Variants in RAB38 observed in about 807,000 individuals in gnomAD.
RAB38 encodes the protein RAB38, member RAS oncogene family, also known as ras-related protein Rab-38.
RAB38 carries 15 observed loss-of-function variants against 18.4 expected under a neutral mutation model. That is an observed-to-expected ratio of 0.82 (90% CI 0.55 to 1.26). RAB38 has a LOEUF of 1.26. Ranked by LOEUF, RAB38 falls within the 50% of genes most tolerant of loss-of-function variation. The pLI, the probability that RAB38 is intolerant of heterozygous loss-of-function variation, is 0.00. For missense variants in RAB38, 294 were observed against 267.4 expected, an observed-to-expected ratio of 1.10 and a Z score of -0.69; for synonymous variants, 101 against 104.4, an observed-to-expected ratio of 0.97 and a Z score of 0.20.
At chr11:88,111,023 A>G (rs1942467122), downstream of RAB38, among the ~76,000 whole-genome samples, 1 of 152,244 alleles carries the variant, frequency 6.6e-6, no homozygotes, top group South Asian at 2.1e-4. Context: ...GAATACTAAC[A>G]GGAAGGTTGG....
chr11:88,035,686 G>A, the RAB38 span, among the ~76,000 whole-genome samples: 2 of 152,144 alleles, frequency 1.3e-5, no homozygotes, highest in African/African-American at 2.4e-5. Context: ...TTTTCTTTAC[G>A]TAAGGATCTG....
chr11:88,067,905 T>G, the RAB38 span, among the ~76,000 whole-genome samples: 1 of 149,798 alleles, frequency 6.7e-6, no homozygotes, highest in Non-Finnish European at 1.5e-5. Context: ...TCCCAGAACT[T>G]AAGGTAAAAT....
chr11:88,161,162 T>C (rs544694876), intron 1 of RAB38, among the ~76,000 whole-genome samples: 17 of 152,214 alleles, frequency 1.1e-4, no homozygotes, highest in African/African-American at 3.9e-4. Flanking sequence ...CCGACCACTT[T>C]TTCAAACTCT....
the RAB38 span, among the ~76,000 whole-genome samples, chr11:87,904,422 T>G: frequency 6.6e-5 from 10 of 151,826 alleles, no homozygotes; most frequent in Admixed American, 5.9e-4. Context: ...GACATGATTT[T>G]GTTATTTTTT....
the RAB38 span, among the ~76,000 whole-genome samples, chr11:87,865,694 A>T: frequency 1.3e-5 from 2 of 151,864 alleles, no homozygotes; most frequent in East Asian, 2.0e-4. Context: ...GAGAAGGTAG[A>T]GAAGAAAAGA....
At chr11:87,848,707 G>A in the RAB38 span, among the ~76,000 whole-genome samples, 1 of 151,976 alleles carries the variant, frequency 6.6e-6, no homozygotes, top group African/African-American at 2.4e-5. Flanking sequence ...TTATCTCTCT[G>A]AGCTGTCAGA....
At chr11:87,886,510 C>A in the RAB38 span, among the ~76,000 whole-genome samples, 1 of 151,788 alleles carries the variant, frequency 6.6e-6, no homozygotes, top group Non-Finnish European at 1.5e-5. Context: ...ATTGTTTTCC[C>A]CCAGAAAACC....
the RAB38 span, among the ~76,000 whole-genome samples, chr11:87,859,655 C>T: frequency 2.6e-5 from 4 of 152,008 alleles, no homozygotes. Context: ...GTGGCTTAGG[C>T]AGCAAAAGGA....
chr11:87,866,417 A>T, the RAB38 span, among the ~76,000 whole-genome samples: 20 of 151,668 alleles, frequency 1.3e-4, no homozygotes, highest in African/African-American at 4.8e-4. Context: ...TTCTTCATTC[A>T]CTTCTCTTTA....
the RAB38 span, among the ~76,000 whole-genome samples, chr11:88,014,223 G>A: frequency 6.6e-6 from 1 of 152,074 alleles, no homozygotes; most frequent in Admixed American, 6.6e-5. Context: ...AGTTTCAACT[G>A]CATGTTACGG....
At chr11:87,959,163 G>A in the RAB38 span, among the ~76,000 whole-genome samples, 1 of 152,066 alleles carries the variant, frequency 6.6e-6, no homozygotes, top group Non-Finnish European at 1.5e-5. Flanking sequence ...GTTGCTTGCA[G>A]TTGTGTTTGA....
the RAB38 span, among the ~76,000 whole-genome samples, chr11:87,943,473 G>GAGGTCTGCA: frequency 6.6e-6 from 1 of 152,048 alleles, no homozygotes; most frequent in East Asian, 1.9e-4. Flanking sequence ...AAGATACATA[G>GAGGTCTGCA]AGGTCTGCAA....
downstream of RAB38, among the ~76,000 whole-genome samples, chr11:88,109,069 A>G (rs1224429686): frequency 6.6e-6 from 1 of 151,878 alleles, no homozygotes; most frequent in Non-Finnish European, 1.5e-5. Context: ...TGCCCTTAAC[A>G]TTTTTTCCTT....
chr11:88,045,505 C>T, the RAB38 span, among the ~76,000 whole-genome samples: 1 of 152,214 alleles, frequency 6.6e-6, no homozygotes, highest in Non-Finnish European at 1.5e-5. Flanking sequence ...GGAATGCCCG[C>T]AGCCCGGGAT....
At chr11:87,878,162 A>T in the RAB38 span, among the ~76,000 whole-genome samples, 2 of 145,366 alleles carry the variant, frequency 1.4e-5, no homozygotes, top group African/African-American at 2.6e-5. Context: ...CTGCTTTTTT[A>T]AAAAACTGCT....
chr11:88,132,381 T>G (rs992949784), intron 2 of RAB38, among the ~76,000 whole-genome samples: 1 of 152,154 alleles, frequency 6.6e-6, no homozygotes, highest in Non-Finnish European at 1.5e-5. Context: ...ATAAATGAGC[T>G]CTTCTTTGGT....
At chr11:88,149,379 T>C (rs1943033824) in intron 2 of RAB38, among the ~76,000 whole-genome samples, 1 of 152,202 alleles carries the variant, frequency 6.6e-6, no homozygotes, top group African/African-American at 2.4e-5. Flanking sequence ...GGAAAATGCA[T>C]GCAAAATATG....
At chr11:87,888,804 C>G in the RAB38 span, among the ~76,000 whole-genome samples, 33 of 152,006 alleles carry the variant, frequency 2.2e-4, no homozygotes, top group Admixed American at 1.3e-4. Flanking sequence ...TTCTCACACA[C>G]GTAGCCCAAT....
At chr11:88,165,712 C>T (rs977985092) in intron 1 of RAB38, 1 of 152,040 alleles carries the variant, frequency 6.6e-6, no homozygotes. Context: ...ATTAACTATC[C>T]TTTTATTAAA....
Sources: gnomAD v4.1 joint callset for allele counts (sites outside exome capture counted in the v4.1 genomes callset) on GRCh38, gnomAD v4.1.1 for gene constraint, MANE v1.5 for transcripts, NCBI Gene and HGNC (gene_info 2026-07-23, HGNC 2026-07-21) for gene names.